The following ZMYM2 variants were observed in gnomAD, a reference collection of about 807,000 sequenced individuals.
ZMYM2 encodes zinc finger MYM-type containing 2, also known as zinc finger MYM-type protein 2.
A neutral mutation model predicts 162.8 loss-of-function variants in ZMYM2; 56 were observed. That is an observed-to-expected ratio of 0.34 (90% CI 0.28 to 0.43). The LOEUF (loss-of-function observed/expected upper bound fraction) is 0.43. Ranked by LOEUF, ZMYM2 falls within the 20% of genes least tolerant of loss-of-function variation. The pLI, the probability that ZMYM2 is intolerant of heterozygous loss-of-function variation, is 1.00. For missense variants in ZMYM2, 1,275 were observed against 1,621.8 expected (o/e 0.79, Z 3.67); for synonymous variants, 510 against 541.6 (o/e 0.94, Z 0.81).
chr13:20,061,008 T>C, intron 16 of ZMYM2, 45 bp from the exon 17 acceptor site: 1 of 1,548,740 alleles, frequency 6.5e-7, no homozygotes. Flanking sequence ...GAAAAATACC[T>C]TTTAATGTTT....
At chr13:19,987,691 G>A (rs1949288296) in intron 2 of ZMYM2, among the ~76,000 whole-genome samples, 1 of 150,392 alleles carries the variant, frequency 6.6e-6, no homozygotes, top group Admixed American at 6.6e-5. Context: ...ATGTTGGCCA[G>A]GCTGGTCTCG....
intron 5 of ZMYM2, 43 bp from the exon 6 acceptor site, chr13:20,006,331 C>A: frequency 6.6e-7 from 1 of 1,504,712 alleles, no homozygotes; most frequent in South Asian, 1.3e-5. Flanking sequence ...AGCTACTTGT[C>A]AGATTGATCT....
rs138288886 is a variant in ZMYM2 at position 20,081,300 on chromosome 13, G to A, written c.3454-716G>A. On this transcript the variant is annotated intron_variant, in intron 21 of 24. Transcript: ENST00000610343. ...CATGTAGTTTAAGAGCCTTAGAACA[G>A]TGTACTCCCAATTCTTGCCTTCCAT... 3.3e-5 allele frequency among the ~76,000 whole-genome samples: 5 copies of A among 152,320 alleles called. No individual in the cohort carries two copies. In the East Asian group the frequency reaches 9.6e-4, roughly 29 times the overall value.
At chr13:19,869,600 C>A in the ZMYM2 span, among the ~76,000 whole-genome samples, 1 of 151,952 alleles carries the variant, frequency 6.6e-6, no homozygotes, top group African/African-American at 2.4e-5. Flanking sequence ...CCAGCCTGGG[C>A]AACATGGCAA....
chr13:19,864,199 G>C, the ZMYM2 span: 1 of 154,710 alleles, frequency 6.5e-6, no homozygotes, highest in Non-Finnish European at 1.4e-5. Flanking sequence ...GTGAGCTTTC[G>C]GGGCCGCGGT....
At chr13:20,052,438 G>A (rs1162877250) in intron 14 of ZMYM2, 127 bp downstream of exon 14, 4 of 723,520 alleles carry the variant, frequency 5.5e-6, no homozygotes, top group South Asian at 2.3e-5. Flanking sequence ...CTGAGACGGT[G>A]GAGTATTCAG....
At chr13:19,965,987 C>T (rs1217258670) in intron 2 of ZMYM2, among the ~76,000 whole-genome samples, 6 of 151,934 alleles carry the variant, frequency 3.9e-5, no homozygotes, top group East Asian at 3.9e-4. Context: ...ACCGTGTTGG[C>T]CAGCTGGTTT....
the ZMYM2 span, among the ~76,000 whole-genome samples, chr13:19,910,387 C>T: frequency 2.7e-4 from 41 of 152,206 alleles, no homozygotes; most frequent in Non-Finnish European, 4.4e-5. Flanking sequence ...AGTAAATGAA[C>T]TTGAAATGCC....
intron 19 of ZMYM2, 85 bp downstream of exon 19, chr13:20,064,630 G>T: frequency 9.8e-7 from 1 of 1,024,098 alleles, no homozygotes; most frequent in South Asian, 3.1e-5. Flanking sequence ...CTGAGAATAT[G>T]GGAACATATT....
At chr13:20,000,843 A>G (rs569063233) in intron 3 of ZMYM2, among the ~76,000 whole-genome samples, 2 of 152,376 alleles carry the variant, frequency 1.3e-5, no homozygotes, top group East Asian at 3.9e-4. Flanking sequence ...TTGTAAGGCT[A>G]TAACTGCCAT....
Position 19,965,865 on chromosome 13 carries a change from C to T in ZMYM2, c.-11+5839C>T, listed in dbSNP as rs564060023. ...CTCAGCTCACTGCAACCTCCGCCTC[C>T]TGGGTTCAACTTGAAGCAATTCTCC... On this transcript the variant is annotated intron_variant, in intron 2 of 24. Transcript: ENST00000610343. Among the ~76,000 whole-genome samples the T allele has an allele frequency of 4.0e-5, 6 of 150,338 alleles. No homozygotes were observed. The South Asian group carries it at 1.3e-3, about 31-fold the overall frequency.
intron 2 of ZMYM2, among the ~76,000 whole-genome samples, chr13:19,971,535 G>A (rs1362028992): frequency 6.6e-6 from 1 of 151,816 alleles, no homozygotes; most frequent in Non-Finnish European, 1.5e-5. Context: ...CTCACAAGGT[G>A]TTGGGATTAC....
intron 24 of ZMYM2, 60 bp from the exon 25 acceptor site, chr13:20,085,760 AAG>A: frequency 2.7e-6 from 4 of 1,498,032 alleles, no homozygotes; most frequent in Non-Finnish European, 3.6e-6. Flanking sequence ...TTCTTGAAAA[AAG>A]AAAAAGTTGT....
intron 3 of ZMYM2, among the ~76,000 whole-genome samples, chr13:20,002,621 T>C (rs1409308602): frequency 6.6e-6 from 1 of 152,204 alleles, no homozygotes; most frequent in Non-Finnish European, 1.5e-5. Flanking sequence ...CCTTTTTTTG[T>C]GCTGAGAACA....
At chr13:19,970,112 C>T in intron 2 of ZMYM2, 1 of 968,596 alleles carries the variant, frequency 1.0e-6, no homozygotes, top group South Asian at 4.8e-5. Flanking sequence ...TCTGTTTAAA[C>T]ATTATGGAAA....
chr13:19,982,945 T>C (rs1176591816), intron 2 of ZMYM2, among the ~76,000 whole-genome samples: 2 of 152,188 alleles, frequency 1.3e-5, no homozygotes, highest in African/African-American at 4.8e-5. Context: ...AAAAAACCCT[T>C]ACTGTAGGTT....
At chr13:20,004,116 A>G (rs1322104128) in intron 4 of ZMYM2, among the ~76,000 whole-genome samples, 1 of 152,228 alleles carries the variant, frequency 6.6e-6, no homozygotes, top group Non-Finnish European at 1.5e-5. Flanking sequence ...AGTGTTCTCT[A>G]CATGTTTAAT....
At chr13:20,036,628 T>C in intron 11 of ZMYM2, 109 bp from the exon 12 acceptor site, 1 of 829,376 alleles carries the variant, frequency 1.2e-6, no homozygotes. Flanking sequence ...GTAGATTTTA[T>C]AGTTTTGATC....
intron 12 of ZMYM2, among the ~76,000 whole-genome samples, chr13:20,040,487 TATTA>T: frequency 6.6e-6 from 1 of 152,116 alleles, no homozygotes; most frequent in African/African-American, 2.4e-5. Flanking sequence ...CTCTTTTCTT[TATTA>T]GTCTAGCTAG....
Sources: gnomAD v4.1 joint callset for allele counts (sites outside exome capture counted in the v4.1 genomes callset) on GRCh38, gnomAD v4.1.1 for gene constraint, MANE v1.5 for transcripts, NCBI Gene and HGNC (gene_info 2026-07-23, HGNC 2026-07-21) for gene names.